ZNF730: variants seen among roughly 807,000 people sequenced by gnomAD.
ZNF730 encodes the protein putative zinc finger protein 730.
In ZNF730, 12 loss-of-function variants were observed where a neutral mutation model predicts 12.6. That is an observed-to-expected ratio of 0.95 (90% CI 0.61 to 1.54). ZNF730 has a LOEUF of 1.54. Among genes scored for constraint, ZNF730 ranks in the 40% most tolerant of loss-of-function variants. ZNF730 has a pLI of 0.00. For synonymous variants in ZNF730, 194 were observed against 195.8 expected, an observed-to-expected ratio of 0.99 and a Z score of 0.08; for missense variants, 643 against 583.5, an observed-to-expected ratio of 1.10 and a Z score of -1.05.
chr19:23,138,979 C>T (rs1200988309), intron 3 of ZNF730, among the ~76,000 whole-genome samples: 1 of 151,964 alleles, frequency 6.6e-6, no homozygotes, highest in Non-Finnish European at 1.5e-5. Flanking sequence ...TCTCCCTGTA[C>T]ATTTTTACTT....
intron 1 of ZNF730, among the ~76,000 whole-genome samples, chr19:23,109,222 CA>C (rs1359904267): frequency 3.3e-5 from 5 of 151,690 alleles, no homozygotes; most frequent in Non-Finnish European, 7.4e-5. Flanking sequence ...ATGTTTATTT[CA>C]AAATGTATGA....
At chr19:23,127,227 G>A (rs1190975765) in intron 1 of ZNF730, 1 of 623,720 alleles carries the variant, frequency 1.6e-6, no homozygotes, top group Non-Finnish European at 3.0e-6. Flanking sequence ...ATTTAACCAT[G>A]TTTTTAAAGA....
At chr19:23,135,863 T>A (rs929773124) in intron 2 of ZNF730, 85 bp from the exon 3 acceptor site, 15 of 1,265,218 alleles carry the variant, frequency 1.2e-5, no homozygotes, top group Non-Finnish European at 1.5e-5. Flanking sequence ...ACTAGAATAT[T>A]CCATTACATT....
chr19:23,109,203 A>G (rs1164563760), intron 1 of ZNF730, among the ~76,000 whole-genome samples: 14 of 152,092 alleles, frequency 9.2e-5, no homozygotes, highest in Admixed American at 5.9e-4. Flanking sequence ...ATTTTAATAA[A>G]TGTTATTAAT....
At chr19:23,090,958 C>T (rs1045723801) in intron 1 of ZNF730, among the ~76,000 whole-genome samples, 1 of 151,890 alleles carries the variant, frequency 6.6e-6, no homozygotes, top group Non-Finnish European at 1.5e-5. Flanking sequence ...CAAGATCATG[C>T]CATTGCACTC....
intron 1 of ZNF730, among the ~76,000 whole-genome samples, chr19:23,092,486 G>A (rs1970175376): frequency 6.6e-6 from 1 of 152,160 alleles, no homozygotes; most frequent in Non-Finnish European, 1.5e-5. Flanking sequence ...CTACTTGGGA[G>A]GCTGAAACAG....
At chr19:23,126,484 G>T in intron 1 of ZNF730, 1 of 341,986 alleles carries the variant, frequency 2.9e-6, no homozygotes, top group South Asian at 2.9e-5. Context: ...TGTTTCCAGT[G>T]AGCATAAATG....
chr19:23,103,383 G>A (rs1047518781), intron 1 of ZNF730, among the ~76,000 whole-genome samples: 18 of 152,296 alleles, frequency 1.2e-4, no homozygotes, highest in African/African-American at 4.3e-4. Context: ...CAAGGTACTC[G>A]TAATGCACTA....
chr19:23,126,886 C>T, intron 1 of ZNF730: 4 of 530,548 alleles, frequency 7.5e-6, no homozygotes, highest in South Asian at 4.4e-5. Flanking sequence ...TCCTTAGCAG[C>T]TTGAGTTTCT....
Position 23,146,839 on chromosome 19 carries a change from A to G in ZNF730, c.*283A>G. 1 of 799,446 alleles carries G rather than the reference A, an allele frequency of 1.3e-6. No homozygotes were observed. 49.5% of individuals were successfully genotyped at this position (799,446 alleles called of 1,614,324 possible). A position where few individuals can be genotyped will look rare whatever the true frequency, so the allele number is the denominator to read the frequency against. ...GAAGAATGTGACAAAGCCTTTAACA[A>G]ATCCTTAATTCTTAACAGACATGAT... On this transcript the variant is annotated 3_prime_UTR_variant, in exon 4 of 4. Coordinates refer to ENST00000597761, the MANE Select transcript of ZNF730 (RefSeq NM_001277403.2).
At chr19:23,127,503 C>A in intron 1 of ZNF730, 1 of 975,428 alleles carries the variant, frequency 1.0e-6, no homozygotes, top group South Asian at 1.3e-5. Context: ...TCAAAATCAG[C>A]TCTTGGTGGT....
chr19:23,127,181 C>T, intron 1 of ZNF730: 2 of 557,100 alleles, frequency 3.6e-6, no homozygotes, highest in Non-Finnish European at 6.9e-6. Flanking sequence ...AAATTATCTA[C>T]ATCCTTTACT....
At chr19:23,106,652 A>T (rs897038774) in intron 1 of ZNF730, among the ~76,000 whole-genome samples, 1 of 152,106 alleles carries the variant, frequency 6.6e-6, no homozygotes, top group Admixed American at 6.5e-5. Flanking sequence ...TTAGCTGGGT[A>T]TGGTGGCACA....
At chr19:23,126,580 C>T (rs1010755156) in intron 1 of ZNF730, 8 of 441,902 alleles carry the variant, frequency 1.8e-5, no homozygotes, top group African/African-American at 4.1e-5. Flanking sequence ...TATGTGTCTC[C>T]GTTTAGCACT....
intron 1 of ZNF730, among the ~76,000 whole-genome samples, chr19:23,077,145 T>G (rs1303513463): frequency 6.6e-6 from 1 of 151,986 alleles, no homozygotes. Flanking sequence ...TGGGAACACA[T>G]GGACACAGAG....
At chr19:23,121,023 G>A (rs1970591997) in intron 1 of ZNF730, among the ~76,000 whole-genome samples, 1 of 152,068 alleles carries the variant, frequency 6.6e-6, no homozygotes, top group Non-Finnish European at 1.5e-5. Flanking sequence ...AGTTTTCTTT[G>A]TGTTGAATTA....
chr19:23,114,315 T>C (rs1190436487), upstream of ZNF730, among the ~76,000 whole-genome samples: 172 of 118,604 alleles, frequency 1.5e-3, 4 homozygotes, highest in African/African-American at 5.5e-3. Context: ...CTTTTTTTTT[T>C]TTTTTTTTTG....
chr19:23,116,308 T>TCTTTTCTTTTCTTTTCTAGA (rs1970519633), upstream of ZNF730, among the ~76,000 whole-genome samples: 1 of 86,044 alleles, frequency 1.2e-5, no homozygotes, highest in South Asian at 5.3e-4. Flanking sequence ...CTTTTTCTTT[T>TCTTTTCTTTTCTTTTCTAGA]CTTTTCTTTT....
At chr19:23,075,802 T>A (rs1969848701) in intron 1 of ZNF730, among the ~76,000 whole-genome samples, 1 of 152,004 alleles carries the variant, frequency 6.6e-6, no homozygotes, top group Non-Finnish European at 1.5e-5. Context: ...TGCAGTGGTG[T>A]GACCTCGGTT....
Sources: allele counts gnomAD v4.1 joint callset (sites outside exome capture counted in the v4.1 genomes callset), GRCh38; gene constraint gnomAD v4.1.1; transcripts MANE v1.5; gene names NCBI Gene and HGNC (gene_info 2026-07-23, HGNC 2026-07-21).